Variants in SLC8A1 observed in about 807,000 individuals in gnomAD.
The protein encoded by SLC8A1 is solute carrier family 8 member A1, also known as sodium/calcium exchanger 1.
A neutral mutation model predicts 68.3 loss-of-function variants in SLC8A1; 18 were observed. The observed-to-expected ratio is 0.26, with a 90% CI of 0.18 to 0.39. SLC8A1 has a LOEUF of 0.39. Among genes scored for constraint, SLC8A1 ranks in the 10% least tolerant of loss-of-function variants. The pLI is 1.00. For missense variants in SLC8A1, 985 were observed against 1,156.7 expected, an observed-to-expected ratio of 0.85 and a Z score of 2.15; for synonymous variants, 475 against 415.5, an observed-to-expected ratio of 1.14 and a Z score of -1.74.
At chr2:40,136,728 T>C (rs1255393659) in intron 7 of SLC8A1, among the ~76,000 whole-genome samples, 2 of 151,998 alleles carry the variant, frequency 1.3e-5, no homozygotes, top group Non-Finnish European at 2.9e-5. Flanking sequence ...TTCTTAGGAG[T>C]CAGGATATAT....
intron 2 of SLC8A1, among the ~76,000 whole-genome samples, chr2:40,228,222 C>G (rs1439758953): frequency 6.6e-6 from 1 of 152,178 alleles, no homozygotes; most frequent in Non-Finnish European, 1.5e-5. Flanking sequence ...GCTTTGACAT[C>G]ATATACATAA....
chr2:40,490,618 G>A (rs1397372923), intron 1 of SLC8A1, among the ~76,000 whole-genome samples: 2 of 152,178 alleles, frequency 1.3e-5, no homozygotes, highest in East Asian at 3.9e-4. Context: ...ACATCATAAT[G>A]TTTTTAGATG....
intron 2 of SLC8A1, among the ~76,000 whole-genome samples, chr2:40,310,202 T>C (rs996642125): frequency 6.6e-6 from 1 of 152,206 alleles, no homozygotes; most frequent in African/African-American, 2.4e-5. Flanking sequence ...TTCTTCCAGA[T>C]GTATGGAGTT....
At chr2:40,334,849 GCT>G (rs759385651) in intron 2 of SLC8A1, among the ~76,000 whole-genome samples, 6 of 152,150 alleles carry the variant, frequency 3.9e-5, no homozygotes, top group Admixed American at 2.6e-4. Flanking sequence ...CGGCCATACT[GCT>G]CTCATTCTCA....
At chr2:40,175,367 C>T in intron 3 of SLC8A1, 86 bp from the exon 4 acceptor site, 1 of 1,373,672 alleles carries the variant, frequency 7.3e-7, no homozygotes. Context: ...GAAAGAAATC[C>T]AGGCAGATCT....
exon 8 of SLC8A1, chr2:40,099,961 G>T (rs2033799484): frequency 6.6e-6 from 1 of 152,018 alleles, no homozygotes; most frequent in Non-Finnish European, 1.5e-5. Context: ...CCTTGTCCAG[G>T]AAGTTACCAA....
At chr2:40,356,952 C>T (rs578046719) in intron 2 of SLC8A1, among the ~76,000 whole-genome samples, 197 of 152,284 alleles carry the variant, frequency 1.3e-3, no homozygotes, top group Non-Finnish European at 2.4e-3. Flanking sequence ...TTGTCACCAA[C>T]CATCTTGCCC....
intron 2 of SLC8A1, among the ~76,000 whole-genome samples, chr2:40,226,637 T>C (rs973315185): frequency 6.6e-6 from 1 of 152,116 alleles, no homozygotes; most frequent in Non-Finnish European, 1.5e-5. Context: ...GAGCCAACAG[T>C]GTAGGTATTA....
intron 2 of SLC8A1, among the ~76,000 whole-genome samples, chr2:40,291,718 A>G (rs1164157505): frequency 2.0e-5 from 3 of 152,128 alleles, no homozygotes; most frequent in African/African-American, 4.8e-5. Flanking sequence ...ATAACTTCCA[A>G]TGTCTCTCAA....
chr2:40,485,316 TAAC>T (rs1280144761), intron 1 of SLC8A1, among the ~76,000 whole-genome samples: 1 of 152,196 alleles, frequency 6.6e-6, no homozygotes, highest in Non-Finnish European at 1.5e-5. Flanking sequence ...GAACTTCTCC[TAAC>T]AACAACATTT....
chr2:40,436,810 T>A (rs1699509663), intron 1 of SLC8A1, among the ~76,000 whole-genome samples: 1 of 152,078 alleles, frequency 6.6e-6, no homozygotes, highest in South Asian at 2.1e-4. Flanking sequence ...AGTCTTTCAA[T>A]AGAAAATAAA....
At chr2:40,247,386 G>C (rs1205757293) in intron 2 of SLC8A1, among the ~76,000 whole-genome samples, 1 of 152,120 alleles carries the variant, frequency 6.6e-6, no homozygotes, top group African/African-American at 2.4e-5. Flanking sequence ...ATTAATCTCA[G>C]AATATGGCAG....
chr2:40,324,383 T>A (rs940992240), intron 2 of SLC8A1, among the ~76,000 whole-genome samples: 3 of 152,136 alleles, frequency 2.0e-5, no homozygotes, highest in African/African-American at 7.2e-5. Flanking sequence ...AAGATGGGGC[T>A]ATTTCAGAGG....
chr2:40,115,290 G>T, exon 8 of SLC8A1: 1 of 1,613,516 alleles, frequency 6.2e-7, no homozygotes, highest in South Asian at 1.1e-5. Context: ...CTCCAGGGAG[G>T]AGAAGAAAAT....
intron 2 of SLC8A1, among the ~76,000 whole-genome samples, chr2:40,375,519 A>G (rs980444071): frequency 1.3e-5 from 2 of 152,146 alleles, no homozygotes; most frequent in African/African-American, 4.8e-5. Context: ...ACATGGTATC[A>G]AATACCATAA....
At chr2:40,396,571 T>A (rs576750543) in intron 2 of SLC8A1, among the ~76,000 whole-genome samples, 139 of 152,100 alleles carry the variant, frequency 9.1e-4, no homozygotes, top group African/African-American at 3.3e-3. Context: ...TTCAATTATG[T>A]ACATAACCTG....
chr2:40,268,573 G>A (rs986716561), intron 2 of SLC8A1, among the ~76,000 whole-genome samples: 3 of 152,148 alleles, frequency 2.0e-5, no homozygotes, highest in Admixed American at 6.5e-5. Context: ...TATATTCCAC[G>A]CTGAAAAGTG....
At chr2:40,444,920 C>A (rs1171844473) in intron 1 of SLC8A1, among the ~76,000 whole-genome samples, 1 of 152,140 alleles carries the variant, frequency 6.6e-6, no homozygotes. Context: ...CGGTATATGC[C>A]ATTTTGCGTG....
chr2:40,424,560 A>T (rs549287925), intron 2 of SLC8A1, among the ~76,000 whole-genome samples: 1 of 151,996 alleles, frequency 6.6e-6, no homozygotes, highest in South Asian at 2.1e-4. Flanking sequence ...TCTTACACAT[A>T]CTATTTCCTA....
Sources: gnomAD v4.1 joint callset for allele counts (sites outside exome capture counted in the v4.1 genomes callset) on GRCh38, gnomAD v4.1.1 for gene constraint, MANE v1.5 for transcripts, NCBI Gene and HGNC (gene_info 2026-07-23, HGNC 2026-07-21) for gene names.